Variants in COL7A1 observed in about 807,000 individuals in gnomAD.
The protein encoded by COL7A1 is collagen type VII alpha 1 chain.
COL7A1 carries 296 observed loss-of-function variants against 456.2 expected under a neutral mutation model. The observed-to-expected ratio is 0.65, with a 90% CI of 0.59 to 0.71. The LOEUF is 0.71. Among genes scored for constraint, COL7A1 ranks in the 30% least tolerant of loss-of-function variants. COL7A1 has a pLI of 0.00. For synonymous variants in COL7A1, 1,464 were observed against 1,525.9 expected, an observed-to-expected ratio of 0.96 and a Z score of 0.95; for missense variants, 3,441 against 4,017.2, an observed-to-expected ratio of 0.86 and a Z score of 3.88.
In COL7A1 at chr3:48,570,419, G is replaced by A. The variant is rs1402547140; in HGVS notation, c.7380+46C>T. ...TGGGAGGTCAGTGGAGGCTGAAGGG[G>A]GTGACCAGGGCACAAGAGAGAGTCA... is the stretch of plus-strand genomic sequence containing the variant. On this transcript the variant is annotated intron_variant, in intron 97 of 118. Transcript: ENST00000681320. This position sits in a 1 kb window ranked among gnomAD's most constrained non-coding sequence, Gnocchi z 5.5. 9 of 1,613,870 alleles carry A rather than the reference G, an allele frequency of 5.6e-6. No individual in the cohort carries two copies. Among genetic ancestry groups the A allele is most frequent in the African/African-American group, 1.3e-5 (1 of 74,858 alleles).
At position 48,594,836 on chromosome 3, in the gene COL7A1, G is replaced by T. The variant is rs1435756517; in HGVS notation, c.85+239C>A. Among the ~76,000 whole-genome samples, 1 of 152,190 alleles carries T rather than the reference G, an allele frequency of 6.6e-6. No homozygotes were observed. The highest frequency in any genetic ancestry group is 1.5e-5 in the Non-Finnish European group (1 of 68,026). ...AGGGGCCGGCGTGGATTGGCATAAG[G>T]CAGGGGACCCCGCACGCATCCAGGG... On this transcript the variant is annotated intron_variant, in intron 2 of 118. Transcript: ENST00000681320. The surrounding 1 kb of genome is among the most constrained non-coding windows in gnomAD (Gnocchi z 5.5).
At position 48,587,352 on chromosome 3, in the gene COL7A1, C is replaced by G. The variant is rs1422836512; in HGVS notation, c.2993-16G>C. The G allele has an allele frequency of 2.5e-6, 4 of 1,610,902 alleles. No individual in the cohort carries two copies. Among genetic ancestry groups the G allele is most frequent in the Non-Finnish European group, 2.5e-6 (3 of 1,178,850 alleles). ...CCAGGCACTTCTGCAGGAGACAGAA[C>G]TTGATTAAAAAGCTGTCTCCACAGA... On this transcript the variant is annotated splice_polypyrimidine_tract_variant and intron_variant, in intron 23 of 118. Coordinates refer to ENST00000681320, the MANE Select transcript of COL7A1 (RefSeq NM_000094.4). The surrounding 1 kb of genome is among the most constrained non-coding windows in gnomAD (Gnocchi z 6.1).
chr3:48,595,240 G>T, intron 1 of COL7A1, 28 bp downstream of exon 1: 1 of 1,172,278 alleles, frequency 8.5e-7, no homozygotes, highest in Non-Finnish European at 1.2e-6. Flanking sequence ...CGAGCCCAGC[G>T]CCCCTCCAGC....
rs1455856448 is a variant in COL7A1 at position 48,585,091 on chromosome 3, G to A, written c.3920C>T (p.Pro1307Leu). Residue 1307 changes from proline to leucine, a missense_variant, in exon 33 of 119, where the codon CCA (proline) becomes CTA (leucine). Pro to Leu is a moderately conservative substitution (Grantham distance 98). This residue lies in a region of COL7A1 where 2,084 missense variants were observed against 2,501.3 expected (regional missense o/e 0.83). Transcript: ENST00000681320. This position sits in a 1 kb window ranked among gnomAD's most constrained non-coding sequence, Gnocchi z 4.5. ...ATTCCCGGCGCGGCCAGGGCTGCCT[G>A]GACGCCCATCTGCTCCAGGGAAGCC... ...ERGFPGADGR[P>L]GSPGRAGNPG... 1 of 1,611,986 alleles carries A rather than the reference G, an allele frequency of 6.2e-7. No homozygotes were observed. Among genetic ancestry groups the A allele is most frequent in the Non-Finnish European group, 8.5e-7 (1 of 1,179,828 alleles).
chr3:48,589,127 G>A (rs751947303), intron 18 of COL7A1, 132 bp from the exon 19 acceptor site: 15 of 1,527,582 alleles, frequency 9.8e-6, no homozygotes, highest in South Asian at 2.3e-5. Context: ...CCCTGAGGAG[G>A]AGGAGGTCAG....
rs146512324 is a variant in COL7A1 at position 48,585,206 on chromosome 3, G to A, written c.3895-90C>T. ...GGCCTCACCCCATCAACAAGGGGTCGCCTACCCCACTGACCCCCAAGTGTT... is the reference window on the plus strand; with the variant it reads ...GGCCTCACCCCATCAACAAGGGGTCACCTACCCCACTGACCCCCAAGTGTT... On this transcript the variant is annotated intron_variant, in intron 32 of 118. Coordinates refer to ENST00000681320, the MANE Select transcript of COL7A1 (RefSeq NM_000094.4). This position sits in a 1 kb window ranked among gnomAD's most constrained non-coding sequence, Gnocchi z 4.5. 2.3e-5 allele frequency: 30 copies of A among 1,304,876 alleles called. No homozygotes were observed. The highest frequency in any genetic ancestry group is 1.0e-4 in the African/African-American group (7 of 68,528). The allele number at this position is 1,304,876 out of a possible 1,614,324, so 80.8% of individuals were successfully genotyped here. A position where few individuals can be genotyped will look rare whatever the true frequency, so the allele number is the denominator to read the frequency against.
In COL7A1 at chr3:48,565,199, G is replaced by A. The variant is rs138002006; in HGVS notation, c.8530C>T (p.Arg2844Trp). 1.6e-4 allele frequency: 252 copies of A among 1,613,192 alleles called. No individual in the cohort carries two copies. The African/African-American group carries it at 2.8e-3, about 18-fold the overall frequency. The change falls in exon 117 of 119, where the codon CGG (arginine) becomes TGG (tryptophan). Residue 2844 changes from arginine (R) to tryptophan (W), a missense_variant and splice_region_variant. Physicochemically the swap from Arg to Trp is moderately radical, Grantham distance 101. Coordinates refer to ENST00000681320, the MANE Select transcript of COL7A1 (RefSeq NM_000094.4). This position sits in a 1 kb window ranked among gnomAD's most constrained non-coding sequence, Gnocchi z 4.5. Reference sequence around the variant, plus strand: ...TACTCATCATCCTCAGGGGGTACCCGCTCTGCAGGTAGGGCAGGGTGTGCT... The same window carrying A: ...TACTCATCATCCTCAGGGGGTACCCACTCTGCAGGTAGGGCAGGGTGTGCT... ...LRVSHAEEEE[R>W]VPPEDDEYSE...
chr3:48,585,504 C>T lies in COL7A1; in HGVS notation c.3894+53G>A, dbSNP rs895223504. 20 of 1,581,290 alleles carry T rather than the reference C, an allele frequency of 1.3e-5. No homozygotes were observed. Among genetic ancestry groups the T allele is most frequent in the African/African-American group, 8.1e-5 (6 of 74,322 alleles). On this transcript the variant is annotated intron_variant, in intron 32 of 118. Coordinates refer to ENST00000681320, the MANE Select transcript of COL7A1 (RefSeq NM_000094.4). The surrounding 1 kb of genome is among the most constrained non-coding windows in gnomAD (Gnocchi z 4.5). ...TCTTCCTTCTCTCTTGTAAAAACCCCGAGACAGCTTTGAGGAGTGCCTCAG... is the reference window on the plus strand; with the variant it reads ...TCTTCCTTCTCTCTTGTAAAAACCCTGAGACAGCTTTGAGGAGTGCCTCAG...
At position 48,586,819 on chromosome 3, in the gene COL7A1, G is replaced by A; in HGVS notation, c.3277-130C>T. The stretch of plus-strand genomic sequence containing the variant: ...TATTAGGGAGTCAGCAGTGATGGCA[G>A]GATAGGGAGCCAGGCAGTAGGTGAG... On this transcript the variant is annotated intron_variant, in intron 25 of 118. Coordinates refer to ENST00000681320, the MANE Select transcript of COL7A1 (RefSeq NM_000094.4). This position sits in a 1 kb window ranked among gnomAD's most constrained non-coding sequence, Gnocchi z 5.1. The A allele has an allele frequency of 6.7e-7, 1 of 1,503,168 alleles. No individual in the cohort carries two copies. Among genetic ancestry groups the A allele is most frequent in the Non-Finnish European group, 9.0e-7 (1 of 1,108,122 alleles). The allele number at this position is 1,503,168 out of a possible 1,614,324, so 93.1% of individuals were successfully genotyped here.
In COL7A1 at chr3:48,589,267, C is replaced by T. The variant is rs149684539; in HGVS notation, c.2314+60G>A. ...GTGGAGGCAGCTGGGCAATCAGGAACACACAGCAGGGCAGGGTAGCTAATG... is the reference window on the plus strand; with the variant it reads ...GTGGAGGCAGCTGGGCAATCAGGAATACACAGCAGGGCAGGGTAGCTAATG... On this transcript the variant is annotated intron_variant, in intron 18 of 118. Transcript: ENST00000681320. The T allele has an allele frequency of 1.9e-3, 3,043 of 1,608,382 alleles. 45 individuals are homozygous for T. The South Asian group carries it at 0.019, about 10-fold the overall frequency.
Position 48,569,338 on chromosome 3 carries a change from G to C in COL7A1, c.7686+37C>G. 1 of 1,610,830 alleles carries C rather than the reference G, an allele frequency of 6.2e-7. No individual in the cohort carries two copies. Among genetic ancestry groups the C allele is most frequent in the Non-Finnish European group, 8.5e-7 (1 of 1,177,126 alleles). ...ATGCTGTGGAACCACCACAGCCACA[G>C]GACCCCACAGAGAGTACACCACCCT... On this transcript the variant is annotated intron_variant, in intron 103 of 118. Transcript: ENST00000681320. This position sits in a 1 kb window ranked among gnomAD's most constrained non-coding sequence, Gnocchi z 4.9.
rs772752222 is a variant in COL7A1, at chr3:48,574,460, CAT to C, written c.6456+26_6456+27del. On this transcript the variant is annotated intron_variant, in intron 79 of 118. Coordinates refer to ENST00000681320, the MANE Select transcript of COL7A1 (RefSeq NM_000094.4). This position sits in a 1 kb window ranked among gnomAD's most constrained non-coding sequence, Gnocchi z 5.0. The stretch of plus-strand genomic sequence containing the variant: ...TACATGTGAGAGCCACCTTCTTGCA[CAT>C]GTGTGGCTGTTGGGCAAGGACTTAC... 12 of 1,613,980 alleles carry C rather than the reference CAT, an allele frequency of 7.4e-6. No homozygotes were observed. In the African/African-American group the frequency reaches 8.0e-5, roughly 11 times the overall value.
In COL7A1 at chr3:48,592,974, T is replaced by C. The variant is rs748469515; in HGVS notation, c.683-36A>G. ...GGGATCAGGGGATCAGGCAGGAGGA[T>C]TGGGGTGGGCATGTATGATGCAGAG... is the stretch of plus-strand genomic sequence containing the variant. On this transcript the variant is annotated intron_variant, in intron 6 of 118. Transcript: ENST00000681320. The surrounding 1 kb of genome is among the most constrained non-coding windows in gnomAD (Gnocchi z 7.6). 4.5e-5 allele frequency: 73 copies of C among 1,612,546 alleles called. No individual in the cohort carries two copies. The highest frequency in any genetic ancestry group is 1.6e-4 in the Middle Eastern group (1 of 6,080).
At position 48,580,286 on chromosome 3, in the gene COL7A1, C is replaced by T. The variant is rs1176340486; in HGVS notation, c.5097+14G>A. On this transcript the variant is annotated intron_variant, in intron 56 of 118. Transcript: ENST00000681320. The surrounding 1 kb of genome is among the most constrained non-coding windows in gnomAD (Gnocchi z 4.5). ...CTCCATCCCTTCTGAGCCCAGGACACCAGCCCTACTCACCGGCTCCCCACG... is the reference window on the plus strand; with the variant it reads ...CTCCATCCCTTCTGAGCCCAGGACATCAGCCCTACTCACCGGCTCCCCACG... 1 of 1,609,044 alleles carries T rather than the reference C, an allele frequency of 6.2e-7. No individual in the cohort carries two copies. The highest frequency in any genetic ancestry group is 1.3e-5 in the African/African-American group (1 of 74,820).
rs988469092 is a variant in COL7A1, at chr3:48,588,169, G to A, written c.2710+113C>T. The A allele has an allele frequency of 2.2e-5, 34 of 1,521,504 alleles. No individual in the cohort carries two copies. Among genetic ancestry groups the A allele is most frequent in the African/African-American group, 1.9e-4 (14 of 72,690 alleles). 94.3% of individuals were successfully genotyped at this position (1,521,504 alleles called of 1,614,324 possible). A position where few individuals can be genotyped will look rare whatever the true frequency, so the allele number is the denominator to read the frequency against. On this transcript the variant is annotated intron_variant, in intron 21 of 118. Transcript: ENST00000681320. This position sits in a 1 kb window ranked among gnomAD's most constrained non-coding sequence, Gnocchi z 4.6. ...GATCTTACCTACTGTCACGGATCCC[G>A]CAGACCCCCAGTGACAGACCCCGCC... is the stretch of plus-strand genomic sequence containing the variant.
chr3:48,584,164 G>T, intron 37 of COL7A1, 103 bp from the exon 38 acceptor site: 1 of 1,598,416 alleles, frequency 6.3e-7, no homozygotes, highest in Non-Finnish European at 8.6e-7. Flanking sequence ...CAAGGATTTT[G>T]GGAGAACTGA....
Position 48,586,771 on chromosome 3 carries a change from G to A in COL7A1, c.3277-82C>T. On this transcript the variant is annotated intron_variant, in intron 25 of 118. Transcript: ENST00000681320. This position sits in a 1 kb window ranked among gnomAD's most constrained non-coding sequence, Gnocchi z 5.1. ...CACAGAGCCTGGAGAAACACATCAG[G>A]GTGTGTGTGACCAAACCCTATCTAT... The A allele has an allele frequency of 6.5e-7, 1 of 1,535,066 alleles. No homozygotes were observed. The highest frequency in any genetic ancestry group is 8.8e-7 in the Non-Finnish European group (1 of 1,135,034).
chr3:48,574,039 T>TA lies in COL7A1; in HGVS notation c.6502-150dup. ...CTACCCATGGACTGCCTCTCATAGATAGCACACACGGGCCTGCACACACAC... is the reference window on the plus strand; with the variant it reads ...CTACCCATGGACTGCCTCTCATAGATAAGCACACACGGGCCTGCACACACAC... On this transcript the variant is annotated intron_variant, in intron 80 of 118. Transcript: ENST00000681320. This position sits in a 1 kb window ranked among gnomAD's most constrained non-coding sequence, Gnocchi z 5.0. 8.7e-7 allele frequency: 1 copy of TA among 1,152,578 alleles called. No individual in the cohort carries two copies. Among genetic ancestry groups the TA allele is most frequent in the Non-Finnish European group, 1.3e-6 (1 of 791,168 alleles). 71.4% of individuals were successfully genotyped at this position (1,152,578 alleles called of 1,614,324 possible).
chr3:48,574,127 A>C lies in COL7A1; in HGVS notation c.6501+135T>G. ...GGCACACACAGACACAGGCACACAC[A>C]AGCAGGCACACACAGAGAGGCACAC... is the stretch of plus-strand genomic sequence containing the variant. On this transcript the variant is annotated intron_variant, in intron 80 of 118. Coordinates refer to ENST00000681320, the MANE Select transcript of COL7A1 (RefSeq NM_000094.4). The surrounding 1 kb of genome is among the most constrained non-coding windows in gnomAD (Gnocchi z 5.0). The C allele has an allele frequency of 1.6e-6, 2 of 1,226,294 alleles. No homozygotes were observed. The highest frequency in any genetic ancestry group is 2.4e-6 in the Non-Finnish European group (2 of 842,474). 76.0% of individuals were successfully genotyped at this position (1,226,294 alleles called of 1,614,324 possible).
Sources: allele counts gnomAD v4.1 joint callset (sites outside exome capture counted in the v4.1 genomes callset), GRCh38; gene constraint gnomAD v4.1.1; regional missense constraint gnomAD v4.1.1; non-coding constraint Gnocchi (gnomAD v3.1); transcripts MANE v1.5; gene names NCBI Gene and HGNC (gene_info 2026-07-23, HGNC 2026-07-21).